The following TNXB variants were observed in gnomAD, a reference collection of about 807,000 sequenced individuals.
The protein encoded by TNXB is tenascin XB.
Under a neutral mutation model 340.5 loss-of-function variants are expected in TNXB, and 183 were observed. That is an observed-to-expected ratio of 0.54 (90% CI 0.48 to 0.61). The LOEUF is 0.61. TNXB is among the 20% of genes least tolerant of loss of function. The pLI, the probability that TNXB is intolerant of heterozygous loss-of-function variation, is 0.00. For missense variants in TNXB, 4,613 were observed against 5,446.4 expected (o/e 0.85, Z 4.82); for synonymous variants, 2,121 against 2,314.5 (o/e 0.92, Z 2.40).
chr6:32,089,796 T>C lies in TNXB; in HGVS notation c.2359-417A>G, dbSNP rs1015376151. ...GTCCCCTCTCATGGGCACCCCGTGT[T>C]CATCTGCCAGAATTCCACCCAACAT... On this transcript the variant is annotated intron_variant, in intron 4 of 43. Transcript: ENST00000644971. The surrounding 1 kb of genome is among the most constrained non-coding windows in gnomAD (Gnocchi z 6.2). 2.0e-5 allele frequency among the ~76,000 whole-genome samples: 3 copies of C among 152,176 alleles called. No individual in the cohort carries two copies. Among genetic ancestry groups the C allele is most frequent in the Non-Finnish European group, 4.4e-5 (3 of 68,034 alleles).
rs1015617638 is a variant in TNXB, at chr6:32,081,176, G to A, written c.4042+192C>T. On this transcript the variant is annotated intron_variant, in intron 10 of 43. Transcript: ENST00000644971. The surrounding 1 kb of genome is among the most constrained non-coding windows in gnomAD (Gnocchi z 5.1). Reference sequence around the variant, plus strand: ...GAAGAAGTGAGGCTGAGGAAGAGATGAGGAGGTGGAGGCTGGATGAGGGGG... The same window carrying A: ...GAAGAAGTGAGGCTGAGGAAGAGATAAGGAGGTGGAGGCTGGATGAGGGGG... Among the ~76,000 whole-genome samples the A allele has an allele frequency of 6.6e-6, 1 of 152,150 alleles. No homozygotes were observed. The highest frequency in any genetic ancestry group is 1.5e-5 in the Non-Finnish European group (1 of 68,024).
At position 32,088,863 on chromosome 6, in the gene TNXB, C is replaced by G; in HGVS notation, c.2701G>C (p.Gly901Arg). The G allele has an allele frequency of 6.3e-7, 1 of 1,584,518 alleles. No individual in the cohort carries two copies. Among genetic ancestry groups the G allele is most frequent in the African/African-American group, 1.3e-5 (1 of 74,506 alleles). ...GTGACAGTCACCACATATTCTACGCCTGGCATCAGGTCAGTCAGCAGCGTC... is the reference window on the plus strand; with the variant it reads ...GTGACAGTCACCACATATTCTACGCGTGGCATCAGGTCAGTCAGCAGCGTC... ...DGTLLTDLMP[G>R]VEYVVTVTAE... is the part of the protein sequence containing the mutation. The change falls in exon 6 of 44, where the codon GGC (glycine) becomes CGC (arginine). Residue 901 changes from glycine to arginine, a missense_variant. By Grantham distance (125) the Gly-to-Arg change is moderately radical (BLOSUM62 -2). Coordinates refer to ENST00000644971, the MANE Select transcript of TNXB (RefSeq NM_001365276.2).
intron 1 of TNXB, among the ~76,000 whole-genome samples, chr6:32,099,472 T>C (rs553273692): frequency 6.6e-6 from 1 of 152,300 alleles, no homozygotes; most frequent in East Asian, 1.9e-4. Flanking sequence ...CCACAAGTGA[T>C]GTGCCCGCCT....
chr6:32,079,262 T>A lies in TNXB; in HGVS notation c.4146A>T (p.Gly1382=), dbSNP rs1333440733. The A allele has an allele frequency of 2.5e-6, 4 of 1,613,328 alleles. No homozygotes were observed. In the Admixed American group the frequency reaches 6.7e-5, roughly 27 times the overall value. The stretch of plus-strand genomic sequence containing the variant: ...AGAGGCTCAGCGAATCAGGGGAGGA[T>A]CCTGTCACTGTCAGCTCCCCCAGGA... ...EPLLGELTVT[G]SSPDSLSLFW... is the part of the protein sequence containing the mutation. The change falls in exon 11 of 44, where the codon GGA becomes GGT. Residue 1382 remains glycine (G), a synonymous_variant. Transcript: ENST00000644971. The surrounding 1 kb of genome is among the most constrained non-coding windows in gnomAD (Gnocchi z 7.1).
At chr6:32,105,116 C>T (rs1021505096) in intron 1 of TNXB, among the ~76,000 whole-genome samples, 2 of 152,182 alleles carry the variant, frequency 1.3e-5, no homozygotes, top group Non-Finnish European at 2.9e-5. Flanking sequence ...TCCCTCCCTC[C>T]CTCCATTCCA....
chr6:32,067,688 C>G lies in TNXB; in HGVS notation c.6517G>C (p.Gly2173Arg), dbSNP rs1212146133. Residue 2173 changes from glycine (G) to arginine (R), a missense_variant, in exon 18 of 44, where the codon GGC becomes CGC. Gly to Arg is a moderately radical substitution (Grantham distance 125, BLOSUM62 -2). Transcript: ENST00000644971. This position sits in a 1 kb window ranked among gnomAD's most constrained non-coding sequence, Gnocchi z 4.2. ...GTGACGCCCACAGCAGACACTGGGC[C>G]CACGCGCCGCCCCTCGTGGAGGCCG... The part of the protein sequence containing the change: ...LYGLHEGRRV[G>R]PVSAVGVTAP... 1 of 1,613,614 alleles carries G rather than the reference C, an allele frequency of 6.2e-7. No individual in the cohort carries two copies. The highest frequency in any genetic ancestry group is 8.5e-7 in the Non-Finnish European group (1 of 1,179,784).
Position 32,108,317 on chromosome 6 carries a change from G to A in TNXB, c.-9+864C>T, listed in dbSNP as rs1486283043. 1.3e-5 allele frequency among the ~76,000 whole-genome samples: 2 copies of A among 152,264 alleles called. No individual in the cohort carries two copies. The highest frequency in any genetic ancestry group is 4.8e-5 in the African/African-American group (2 of 41,560). On this transcript the variant is annotated intron_variant, in intron 1 of 43. Transcript: ENST00000644971. This position sits in a 1 kb window ranked among gnomAD's most constrained non-coding sequence, Gnocchi z 4.8. ...TCTTTCCAGGCGAGATAAGGGGCCC[G>A]CCCTTCCCACCCGGGGCGTGTCACG...
In TNXB at chr6:32,055,988, G is replaced by A. The variant is rs553906021; in HGVS notation, c.8330C>T (p.Pro2777Leu). Residue 2777 changes from proline (P) to leucine (L), a missense_variant, in exon 24 of 44, where the codon CCC becomes CTC. Pro to Leu is a moderately conservative substitution (Grantham distance 98, BLOSUM62 -3). Coordinates refer to ENST00000644971, the MANE Select transcript of TNXB (RefSeq NM_001365276.2). ...TVQYKDRDGR[P>L]QVMRVRGEES... ...CTCGCCCCTGACACGCATCACCTGG[G>A]GCCGCCCGTCCCTGTCCTTGTACTG... 2.5e-5 allele frequency: 40 copies of A among 1,613,324 alleles called. No individual in the cohort carries two copies. In the South Asian group the frequency reaches 4.2e-4, roughly 17 times the overall value.
chr6:32,098,503 G>A (rs753556968), intron 1 of TNXB, among the ~76,000 whole-genome samples: 7 of 151,806 alleles, frequency 4.6e-5, no homozygotes, highest in South Asian at 2.1e-4. Context: ...TGTTTGAGAC[G>A]GAGTTTCACT....
Position 32,064,681 on chromosome 6 carries a change from T to C in TNXB, c.6841+140A>G. The C allele has an allele frequency of 8.0e-7, 1 of 1,249,484 alleles. No homozygotes were observed. The highest frequency in any genetic ancestry group is 1.1e-6 in the Non-Finnish European group (1 of 933,878). The allele number at this position is 1,249,484 out of a possible 1,614,324, so 77.4% of individuals were successfully genotyped here. ...CTGGGGCAATACCAAAGTCTCGGAG[T>C]GAAGGCACCAGCAGAACCATTCCCA... On this transcript the variant is annotated intron_variant, in intron 19 of 43. Transcript: ENST00000644971. The surrounding 1 kb of genome is among the most constrained non-coding windows in gnomAD (Gnocchi z 5.3).
intron 11 of TNXB, among the ~76,000 whole-genome samples, chr6:32,076,818 C>G (rs1332130816): frequency 6.6e-6 from 1 of 151,946 alleles, no homozygotes; most frequent in Admixed American, 6.6e-5. Context: ...CCTGTCTCTA[C>G]TAAAAATACA....
intron 21 of TNXB, among the ~76,000 whole-genome samples, chr6:32,059,418 CAAAAAAAAAAA>C (rs571985819): frequency 2.7e-5 from 1 of 36,526 alleles, no homozygotes; most frequent in Non-Finnish European, 5.6e-5. Context: ...GACTCAGTCT[CAAAAAAAAAAA>C]AAAAAAAGAA....
rs1335113832 is a variant in TNXB, at chr6:32,072,234, C to T, written c.4746G>A (p.Glu1582=). ...CAGGGGTTATATCCGTCACTGTCAG[C>T]TCCCCTAGGCGTGGCTCCAGGGGAG... ...SKPPLEPRLG[E]LTVTDITPDS... Residue 1582 remains glutamate (E), a synonymous_variant, in exon 13 of 44, where the codon GAG becomes GAA. Coordinates refer to ENST00000644971, the MANE Select transcript of TNXB (RefSeq NM_001365276.2). This position sits in a 1 kb window ranked among gnomAD's most constrained non-coding sequence, Gnocchi z 4.4. 5.6e-6 allele frequency: 9 copies of T among 1,610,938 alleles called. No individual in the cohort carries two copies. The highest frequency in any genetic ancestry group is 1.3e-5 in the African/African-American group (1 of 75,026).
At chr6:32,107,497 G>C (rs1480922897) in intron 1 of TNXB, among the ~76,000 whole-genome samples, 2 of 152,072 alleles carry the variant, frequency 1.3e-5, no homozygotes, top group African/African-American at 4.8e-5. Flanking sequence ...GCAAAGAATT[G>C]GGTGTCTCTT....
At chr6:32,093,409 T>G (rs1247972629) in intron 4 of TNXB, 1 of 702,360 alleles carries the variant, frequency 1.4e-6, no homozygotes, top group Non-Finnish European at 2.6e-6. Context: ...TTTCTGCTTC[T>G]GCTTTGGCTG....
At position 32,069,123 on chromosome 6, in the gene TNXB, T is replaced by G; in HGVS notation, c.5601A>C (p.Glu1867Asp). The G allele has an allele frequency of 6.2e-7, 1 of 1,607,906 alleles. No homozygotes were observed. Among genetic ancestry groups the G allele is most frequent in the East Asian group, 2.2e-5 (1 of 44,852 alleles). The change falls in exon 16 of 44, where the codon GAA (glutamate) becomes GAC (aspartate). Residue 1867 changes from glutamate to aspartate, a missense_variant. Glu to Asp is a conservative substitution (Grantham distance 45). This residue lies in a region of TNXB where 4,327 missense variants were observed against 4,859.4 expected (regional missense o/e 0.89). Transcript: ENST00000644971. The surrounding 1 kb of genome is among the most constrained non-coding windows in gnomAD (Gnocchi z 6.2). ...SAVAITAGREETETETTAPTP... is the reference protein window; with the variant it reads ...SAVAITAGREDTETETTAPTP... ...TCGGGGCCGTGGTCTCAGTTTCCGT[T>G]TCTTCCCTGCCGGCTGGTTCACAGA...
At chr6:32,094,095 CAAAAAAAAAAAAAAA>C (rs9281649) in intron 4 of TNXB, among the ~76,000 whole-genome samples, 3 of 28,960 alleles carry the variant, frequency 1.0e-4, no homozygotes, top group African/African-American at 1.4e-4. Context: ...CTCTCTGTCT[CAAAAAAAAAAAAAAA>C]AAAAAAAAAA....
rs1446277821 is a variant in TNXB at position 32,079,441 on chromosome 6, C to G, written c.4043-76G>C. Reference sequence around the variant, plus strand: ...CCACAGATGACAGCCATGGAAATGCCCTTACGCTGTGGGCTCAGGGGCTCT... The same window carrying G: ...CCACAGATGACAGCCATGGAAATGCGCTTACGCTGTGGGCTCAGGGGCTCT... On this transcript the variant is annotated intron_variant, in intron 10 of 43. Coordinates refer to ENST00000644971, the MANE Select transcript of TNXB (RefSeq NM_001365276.2). The surrounding 1 kb of genome is among the most constrained non-coding windows in gnomAD (Gnocchi z 7.1). 1.6e-6 allele frequency: 2 copies of G among 1,259,676 alleles called. No individual in the cohort carries two copies. The highest frequency in any genetic ancestry group is 2.2e-6 in the Non-Finnish European group (2 of 912,802). 78.0% of individuals were successfully genotyped at this position (1,259,676 alleles called of 1,614,324 possible).
intron 18 of TNXB, among the ~76,000 whole-genome samples, chr6:32,066,933 T>A (rs187570156): frequency 2.5e-4 from 38 of 152,154 alleles, no homozygotes; most frequent in Non-Finnish European, 4.4e-4. Context: ...TAGCTGGGCA[T>A]GGTGGAGTGC....
Sources: allele counts gnomAD v4.1 joint callset (sites outside exome capture counted in the v4.1 genomes callset), GRCh38; gene constraint gnomAD v4.1.1; regional missense constraint gnomAD v4.1.1; non-coding constraint Gnocchi (gnomAD v3.1); transcripts MANE v1.5; gene names NCBI Gene and HGNC (gene_info 2026-07-23, HGNC 2026-07-21).